ERLEC1: variants seen among roughly 807,000 people sequenced by gnomAD.
ERLEC1 encodes the protein ER lectin.
In ERLEC1, 47 loss-of-function variants were observed where a neutral mutation model predicts 68.0. That is an observed-to-expected ratio of 0.69 (90% CI 0.55 to 0.88). The LOEUF (loss-of-function observed/expected upper bound fraction) is 0.88. ERLEC1 is among the 40% of genes least tolerant of loss of function. The pLI is 0.00. For synonymous variants in ERLEC1, 225 were observed against 203.2 expected (o/e 1.11, Z -0.91); for missense variants, 567 against 583.8 (o/e 0.97, Z 0.30).
chr2:53,800,595 A>C (rs1227231726), intron 6 of ERLEC1, among the ~76,000 whole-genome samples: 1 of 152,112 alleles, frequency 6.6e-6, no homozygotes, highest in Non-Finnish European at 1.5e-5. Context: ...TAGGGTACTA[A>C]AGTGATAGAA....
intron 10 of ERLEC1, among the ~76,000 whole-genome samples, chr2:53,811,700 C>G (rs576251636): frequency 6.6e-6 from 1 of 152,200 alleles, no homozygotes; most frequent in East Asian, 1.9e-4. Context: ...TGCCTAAAGT[C>G]AAATAGGTAG....
At chr2:53,797,850 T>C in intron 5 of ERLEC1, 55 bp downstream of exon 5, 3 of 1,412,580 alleles carry the variant, frequency 2.1e-6, no homozygotes, top group Non-Finnish European at 3.0e-6. Context: ...TTAAAATATA[T>C]GTTCAAAATG....
rs935319171 is a variant in ERLEC1, at chr2:53,787,085, C to T, written c.-126C>T. ...GGCTCTCCGGAAGGAGACGTGGCGGCGGTTGGGCCGGTGATACCCGGGCGC... is the reference window on the plus strand; with the variant it reads ...GGCTCTCCGGAAGGAGACGTGGCGGTGGTTGGGCCGGTGATACCCGGGCGC... On this transcript the variant is annotated 5_prime_UTR_variant, in exon 1 of 14. Coordinates refer to ENST00000185150, the MANE Select transcript of ERLEC1 (RefSeq NM_015701.5). 1.8e-5 allele frequency: 23 copies of T among 1,284,262 alleles called. No homozygotes were observed. The highest frequency in any genetic ancestry group is 1.1e-4 in the African/African-American group (7 of 66,374). 79.6% of individuals were successfully genotyped at this position (1,284,262 alleles called of 1,614,324 possible).
At position 53,787,138 on chromosome 2, in the gene ERLEC1, C is replaced by G; in HGVS notation, c.-73C>G. ...TATAGTCCCGCCGCCTCCTCCTCCACCTCCTCCTCCTCCTCCTCTCCTCCT... is the reference window on the plus strand; with the variant it reads ...TATAGTCCCGCCGCCTCCTCCTCCAGCTCCTCCTCCTCCTCCTCTCCTCCT... On this transcript the variant is annotated 5_prime_UTR_variant, in exon 1 of 14. Transcript: ENST00000185150. 9.7e-7 allele frequency: 1 copy of G among 1,032,160 alleles called. No homozygotes were observed. Among genetic ancestry groups the G allele is most frequent in the South Asian group, 2.3e-5 (1 of 44,088 alleles). The allele number at this position is 1,032,160 out of a possible 1,614,324, so 63.9% of individuals were successfully genotyped here.
intron 1 of ERLEC1, among the ~76,000 whole-genome samples, chr2:53,792,490 C>A (rs1009250491): frequency 6.6e-6 from 1 of 152,164 alleles, no homozygotes; most frequent in South Asian, 2.1e-4. Flanking sequence ...TAACCTTGGA[C>A]AAATGGTTGA....
At chr2:53,798,930 A>G (rs1481337324) in intron 5 of ERLEC1, 117 bp from the exon 6 acceptor site, 4 of 679,426 alleles carry the variant, frequency 5.9e-6, no homozygotes, top group Non-Finnish European at 9.4e-6. Context: ...TAAAAATCAT[A>G]TGTGTTTTGG....
rs144214401 is a variant in ERLEC1 at position 53,801,421 on chromosome 2, C to G, written c.550C>G (p.Gln184Glu). ...NEIPTKNIEG[Q>E]MTPYYPVGMG... is the part of the protein sequence containing the mutation. ...GATTCCCACTAAAAATATCGAAGGT[C>G]AGATGACACCATACTATCCTGTGGG... The change falls in exon 7 of 14, where the codon CAG becomes GAG. Residue 184 changes from glutamine (Q) to glutamate (E), a missense_variant. Gln to Glu is a conservative substitution (Grantham distance 29). Transcript: ENST00000185150. 1.5e-4 allele frequency: 242 copies of G among 1,613,604 alleles called. 1 individual carries two copies. The highest frequency in any genetic ancestry group is 2.0e-4 in the Non-Finnish European group (234 of 1,179,802).
At chr2:53,799,502 T>G (rs568175287) in intron 6 of ERLEC1, among the ~76,000 whole-genome samples, 1 of 152,278 alleles carries the variant, frequency 6.6e-6, no homozygotes, top group South Asian at 2.1e-4. Context: ...TTTTATCTCT[T>G]TACCCCACAG....
rs1303085715 is a variant in ERLEC1 at position 53,818,597 on chromosome 2, TTTC to T, written c.*634_*636del. On this transcript the variant is annotated 3_prime_UTR_variant, in exon 14 of 14. Coordinates refer to ENST00000185150, the MANE Select transcript of ERLEC1 (RefSeq NM_015701.5). ...TCTCAGAACTTTTATCTATTACTTT[TTTC>T]TTCTTATGAGTATGTTTACTCTCAG... is the stretch of plus-strand genomic sequence containing the variant. 1 of 152,202 alleles carries T rather than the reference TTTC, an allele frequency of 6.6e-6. No homozygotes were observed. Among genetic ancestry groups the T allele is most frequent in the African/African-American group, 2.4e-5 (1 of 41,462 alleles). 9.4% of individuals were successfully genotyped at this position (152,202 alleles called of 1,614,324 possible).
chr2:53,798,118 A>G (rs916674828), intron 5 of ERLEC1, among the ~76,000 whole-genome samples: 4 of 151,980 alleles, frequency 2.6e-5, no homozygotes, highest in Admixed American at 2.6e-4. Flanking sequence ...TGGCATGAAC[A>G]CAGGAGGCGG....
chr2:53,802,245 T>C (rs925140049), intron 8 of ERLEC1, among the ~76,000 whole-genome samples: 1 of 152,200 alleles, frequency 6.6e-6, no homozygotes, highest in Non-Finnish European at 1.5e-5. Context: ...TGTCTTCCAT[T>C]TTCATCTGCC....
chr2:53,811,974 A>T (rs139030831), intron 10 of ERLEC1, among the ~76,000 whole-genome samples: 2 of 152,006 alleles, frequency 1.3e-5, no homozygotes, highest in Admixed American at 6.6e-5. Flanking sequence ...CTGGAGTGCA[A>T]TGGCGCAATC....
In ERLEC1 at chr2:53,801,616, T is replaced by G; in HGVS notation, c.745T>G (p.Tyr249Asp). Residue 249 changes from tyrosine to aspartate, a missense_variant, in exon 7 of 14, where the codon TAT becomes GAT. Physicochemically the swap from Tyr to Asp is radical, Grantham distance 160. Transcript: ENST00000185150. Reference protein sequence around the residue: ...LTPLLCSHPKYRFRASPVNDI... With the variant: ...LTPLLCSHPKDRFRASPVNDI... ...ACCACTCTTGTGCAGTCATCCTAAATATAGGTAGGATGTGCATTTAATATT... is the reference window on the plus strand; with the variant it reads ...ACCACTCTTGTGCAGTCATCCTAAAGATAGGTAGGATGTGCATTTAATATT... 1.2e-6 allele frequency: 2 copies of G among 1,613,840 alleles called. No homozygotes were observed. The highest frequency in any genetic ancestry group is 1.7e-6 in the Non-Finnish European group (2 of 1,179,788).
At position 53,797,580 on chromosome 2, in the gene ERLEC1, A is replaced by T; in HGVS notation, c.414A>T (p.Lys138Asn). 1 of 1,612,290 alleles carries T rather than the reference A, an allele frequency of 6.2e-7. No individual in the cohort carries two copies. The highest frequency in any genetic ancestry group is 1.7e-4 in the Middle Eastern group (1 of 6,050). ...GKHIRQYHEE[K>N]ETGQKINIHE... is the part of the protein sequence containing the mutation. The stretch of plus-strand genomic sequence containing the variant: ...ACATTCGGCAGTACCATGAAGAGAA[A>T]GAAACTGGTCAGGTGTGTTTTTCTT... The change falls in exon 4 of 14, where the codon AAA becomes AAT. Residue 138 changes from lysine to asparagine, a missense_variant. By Grantham distance (94) the Lys-to-Asn change is moderately conservative (BLOSUM62 0). Coordinates refer to ENST00000185150, the MANE Select transcript of ERLEC1 (RefSeq NM_015701.5).
intron 10 of ERLEC1, among the ~76,000 whole-genome samples, chr2:53,812,141 C>T (rs897997276): frequency 1.3e-5 from 2 of 151,992 alleles, no homozygotes; most frequent in South Asian, 2.1e-4. Context: ...CTCGAACTCC[C>T]GACCTCAGGT....
At chr2:53,808,482 T>C (rs745927698) in intron 9 of ERLEC1, 22 bp downstream of exon 9, 52 of 1,609,778 alleles carry the variant, frequency 3.2e-5, no homozygotes, top group Admixed American at 2.2e-4. Flanking sequence ...ATCTTCAGTT[T>C]AAATATTTAT....
intron 5 of ERLEC1, among the ~76,000 whole-genome samples, chr2:53,798,267 A>T (rs1573076703): frequency 6.7e-6 from 1 of 148,876 alleles, no homozygotes; most frequent in Admixed American, 6.7e-5. Flanking sequence ...CTTTGTTTTC[A>T]CCTTTTTTTT....
intron 3 of ERLEC1, among the ~76,000 whole-genome samples, chr2:53,796,254 T>G (rs1020327950): frequency 1.3e-5 from 2 of 151,124 alleles, no homozygotes; most frequent in East Asian, 1.9e-4. Flanking sequence ...TGGTTTTTTT[T>G]TTTTTTTTTC....
chr2:53,795,600 AT>A lies in ERLEC1; in HGVS notation c.268-331del, dbSNP rs200697275. ...TTTGTTTGGGTACAAGCATTTAAAA[AT>A]TCTGAAATAGGTTTATAAGAATTGT... On this transcript the variant is annotated intron_variant, in intron 2 of 13. Coordinates refer to ENST00000185150, the MANE Select transcript of ERLEC1 (RefSeq NM_015701.5). Among the ~76,000 whole-genome samples, 80 of 152,366 alleles carry A rather than the reference AT, an allele frequency of 5.3e-4. 1 individual carries two copies. The highest frequency in any genetic ancestry group is 1.9e-3 in the African/African-American group (79 of 41,588).
Sources: allele counts gnomAD v4.1 joint callset (sites outside exome capture counted in the v4.1 genomes callset), GRCh38; gene constraint gnomAD v4.1.1; transcripts MANE v1.5; gene names NCBI Gene and HGNC (gene_info 2026-07-23, HGNC 2026-07-21).